Variants in AGFG1 observed in about 807,000 individuals in gnomAD.
AGFG1 encodes arf-GAP domain and FG repeat-containing protein 1.
In AGFG1, 10 loss-of-function variants were observed where a neutral mutation model predicts 60.6. The observed-to-expected ratio is 0.16, with a 90% confidence interval of 0.10 to 0.28. AGFG1 has a LOEUF of 0.28. Ranked by LOEUF, AGFG1 falls within the 10% of genes least tolerant of loss-of-function variation. The pLI is 1.00. For synonymous variants in AGFG1, 247 were observed against 242.9 expected (o/e 1.02, Z -0.16); for missense variants, 537 against 676.5 (o/e 0.79, Z 2.29).
rs1239689137 is a variant in AGFG1 at position 227,556,443 on chromosome 2, A to G, written c.*1948A>G. 6.6e-6 allele frequency: 1 copy of G among 152,646 alleles called. No homozygotes were observed. Among genetic ancestry groups the G allele is most frequent in the Non-Finnish European group, 1.5e-5 (1 of 68,022 alleles). The allele number at this position is 152,646 out of a possible 1,614,324, so 9.5% of individuals were successfully genotyped here. A position where few individuals can be genotyped will look rare whatever the true frequency, so the allele number is the denominator to read the frequency against. The stretch of plus-strand genomic sequence containing the variant: ...TTTTAGAATTAAATGAATGCTGCAC[A>G]GGTCCAGATGTGTGTTGATGTAGAC... On this transcript the variant is annotated 3_prime_UTR_variant, in exon 13 of 13. Transcript: ENST00000310078.
At chr2:227,550,110 G>T (rs1007831115) in intron 10 of AGFG1, 1 of 438,274 alleles carries the variant, frequency 2.3e-6, no homozygotes, top group Non-Finnish European at 4.7e-6. Flanking sequence ...CATTTTGGTA[G>T]GTGGCCACAA....
chr2:227,499,639 C>CCA, intron 2 of AGFG1, among the ~76,000 whole-genome samples: 1 of 98,540 alleles, frequency 1.0e-5, no homozygotes, highest in Non-Finnish European at 2.1e-5. Flanking sequence ...GACTCTGTCT[C>CCA]AAAAAAAAAA....
At chr2:227,510,965 GT>G (rs1199416449) in intron 2 of AGFG1, 1 of 151,806 alleles carries the variant, frequency 6.6e-6, no homozygotes, top group East Asian at 1.9e-4. Context: ...CTTTTCAAAT[GT>G]TTTATCATTT....
chr2:227,481,579 T>C (rs970963186), intron 1 of AGFG1, among the ~76,000 whole-genome samples: 2 of 152,178 alleles, frequency 1.3e-5, no homozygotes, highest in Non-Finnish European at 2.9e-5. Flanking sequence ...TTACTGCTGG[T>C]ATTTTGTTTT....
chr2:227,497,723 C>CTTGTTTTTTTTT (rs1559173411), intron 2 of AGFG1, among the ~76,000 whole-genome samples: 1 of 80,300 alleles, frequency 1.2e-5, no homozygotes, highest in Admixed American at 1.4e-4. Context: ...AAATGAGTTT[C>CTTGTTTTTTTTT]TTTCTTGTTT....
At chr2:227,529,557 T>C (rs1378310070) in intron 5 of AGFG1, among the ~76,000 whole-genome samples, 2 of 152,132 alleles carry the variant, frequency 1.3e-5, no homozygotes, top group African/African-American at 2.4e-5. Context: ...TTTGTGGATG[T>C]GTGTTGCTGG....
At chr2:227,501,463 T>G (rs1691152794) in intron 2 of AGFG1, among the ~76,000 whole-genome samples, 1 of 152,260 alleles carries the variant, frequency 6.6e-6, no homozygotes, top group Non-Finnish European at 1.5e-5. Flanking sequence ...TTAAGAATCT[T>G]AAGTGTACTT....
chr2:227,472,491 C>T lies in AGFG1; in HGVS notation c.70C>T (p.Pro24Ser), dbSNP rs749693668. ...LKMLRDMTGL[P>S]HNRKCFDCDQ... Reference sequence around the variant, plus strand: ...GATGCTGCGGGACATGACCGGCCTCCCGCACAACCGAAAGTGCTTCGACTG... The same window carrying T: ...GATGCTGCGGGACATGACCGGCCTCTCGCACAACCGAAAGTGCTTCGACTG... Residue 24 changes from proline to serine, a missense_variant, in exon 1 of 13, where the codon CCG becomes TCG. This residue lies in a region of AGFG1 where 120 missense variants were observed against 198.5 expected (regional missense o/e 0.60). Transcript: ENST00000310078. 5.7e-6 allele frequency: 9 copies of T among 1,580,710 alleles called. No homozygotes were observed. Among genetic ancestry groups the T allele is most frequent in the Non-Finnish European group, 7.7e-6 (9 of 1,163,884 alleles).
intron 5 of AGFG1, among the ~76,000 whole-genome samples, chr2:227,526,736 G>T (rs191988510): frequency 6.6e-6 from 1 of 151,074 alleles, no homozygotes; most frequent in Non-Finnish European, 1.5e-5. Context: ...TAAAGATGGG[G>T]TTTCACCATG....
intron 11 of AGFG1, among the ~76,000 whole-genome samples, chr2:227,553,129 T>A (rs1248114848): frequency 6.6e-6 from 1 of 151,956 alleles, no homozygotes; most frequent in Non-Finnish European, 1.5e-5. Context: ...CTGTTCCAAA[T>A]AGTCACAAGC....
At chr2:227,480,887 A>G (rs1490627175) in intron 1 of AGFG1, among the ~76,000 whole-genome samples, 2 of 152,226 alleles carry the variant, frequency 1.3e-5, no homozygotes, top group Admixed American at 6.5e-5. Flanking sequence ...AGGTGAAAAT[A>G]CTTTACCCTT....
intron 10 of AGFG1, among the ~76,000 whole-genome samples, chr2:227,542,125 C>T (rs1335048971): frequency 6.6e-6 from 1 of 152,182 alleles, no homozygotes; most frequent in Non-Finnish European, 1.5e-5. Context: ...ATTTGACTTC[C>T]TCTTTTCCTA....
At chr2:227,542,655 A>T (rs1692525837) in intron 10 of AGFG1, among the ~76,000 whole-genome samples, 1 of 152,240 alleles carries the variant, frequency 6.6e-6, no homozygotes, top group Non-Finnish European at 1.5e-5. Context: ...CTTTGGTATC[A>T]GGATGATGCT....
intron 10 of AGFG1, chr2:227,550,048 C>A (rs889259005): frequency 1.1e-5 from 5 of 452,020 alleles, no homozygotes; most frequent in Admixed American, 2.6e-5. Flanking sequence ...CTCTTTATGG[C>A]TTTCCATAAG....
chr2:227,549,239 C>T (rs1487683031), intron 10 of AGFG1, among the ~76,000 whole-genome samples: 1 of 152,088 alleles, frequency 6.6e-6, no homozygotes, highest in East Asian at 1.9e-4. Flanking sequence ...ATGACAGAAC[C>T]ACAACTCAGA....
At chr2:227,522,867 C>T (rs983564584) in intron 3 of AGFG1, among the ~76,000 whole-genome samples, 1 of 152,218 alleles carries the variant, frequency 6.6e-6, no homozygotes, top group African/African-American at 2.4e-5. Flanking sequence ...TGACTCGCCT[C>T]CTCACATAAA....
At chr2:227,551,428 T>C (rs915164742) in intron 10 of AGFG1, among the ~76,000 whole-genome samples, 1 of 152,190 alleles carries the variant, frequency 6.6e-6, no homozygotes, top group Non-Finnish European at 1.5e-5. Context: ...CAAAGCTGCA[T>C]AGGTTCTGAG....
At position 227,484,677 on chromosome 2, in the gene AGFG1, G is replaced by GTTTTTT. The variant is rs34405103; in HGVS notation, c.168-6865_168-6860dup. On this transcript the variant is annotated intron_variant, in intron 1 of 12. Coordinates refer to ENST00000310078, the MANE Select transcript of AGFG1 (RefSeq NM_004504.5). ...AAGCTTCTTTAATGAAGATCTCTTA[G>GTTTTTT]TTTTTTTTTTGTTTTTTTTTTTTTT... Among the ~76,000 whole-genome samples the GTTTTTT allele has an allele frequency of 9.5e-5, 11 of 115,896 alleles. 1 individual carries two copies. The highest frequency in any genetic ancestry group is 5.0e-4 in the East Asian group (2 of 3,964). 76.0% of individuals were successfully genotyped at this position (115,896 alleles called of 152,430 possible).
chr2:227,542,968 T>A (rs1259655580), intron 10 of AGFG1, among the ~76,000 whole-genome samples: 1 of 152,170 alleles, frequency 6.6e-6, no homozygotes, highest in Non-Finnish European at 1.5e-5. Flanking sequence ...TATTCTCTGA[T>A]GGTAGTTTGT....
Sources: allele counts gnomAD v4.1 joint callset (sites outside exome capture counted in the v4.1 genomes callset), GRCh38; gene constraint gnomAD v4.1.1; regional missense constraint gnomAD v4.1.1; transcripts MANE v1.5; gene names NCBI Gene and HGNC (gene_info 2026-07-23, HGNC 2026-07-21).